The following RPL31 variants were observed in gnomAD, a reference collection of about 807,000 sequenced individuals.
RPL31 encodes the protein large ribosomal subunit protein eL31.
For missense variants in RPL31, 95 were observed against 164.0 expected, an observed-to-expected ratio of 0.58 and a Z score of 2.30; for synonymous variants, 51 against 55.0, an observed-to-expected ratio of 0.93 and a Z score of 0.32.
intron 1 of RPL31, 100 bp from the exon 2 acceptor site, chr2:101,002,602 A>G (rs1053994140): frequency 4.0e-6 from 4 of 997,406 alleles, no homozygotes; most frequent in African/African-American, 1.6e-5. Context: ...GACTCTCAGC[A>G]CCTGGAAGCG....
chr2:101,002,468 G>A (rs907680894), intron 1 of RPL31, 153 bp downstream of exon 1: 4 of 574,938 alleles, frequency 7.0e-6, no homozygotes, highest in South Asian at 2.1e-5. Flanking sequence ...GGCTCCCAGA[G>A]CCTGAGGAAG....
chr2:101,018,949 G>T (rs778075128), intron 4 of RPL31: 1 of 1,599,862 alleles, frequency 6.3e-7, no homozygotes, highest in Non-Finnish European at 8.5e-7. Context: ...CTCTTCGTCT[G>T]TGTGTTACCT....
chr2:101,019,109 G>T, exon 5 of RPL31: 1 of 1,564,882 alleles, frequency 6.4e-7, no homozygotes, highest in Non-Finnish European at 8.7e-7. Context: ...TGCAGCAGAT[G>T]CCTTTACAAC....
downstream of RPL31, chr2:101,007,853 A>T (rs756351350): frequency 6.2e-7 from 1 of 1,612,950 alleles, no homozygotes; most frequent in South Asian, 1.1e-5. Context: ...TCAGATTGTG[A>T]TTGGTGGCTC....
intron 4 of RPL31, among the ~76,000 whole-genome samples, chr2:101,016,689 G>T (rs2105369264): frequency 6.6e-6 from 1 of 152,268 alleles, no homozygotes; most frequent in East Asian, 1.9e-4. Context: ...GTCCAACAAG[G>T]ATAGACTGGA....
At chr2:101,014,522 T>A (rs1270323928) in intron 4 of RPL31, among the ~76,000 whole-genome samples, 1 of 152,234 alleles carries the variant, frequency 6.6e-6, no homozygotes, top group Non-Finnish European at 1.5e-5. Flanking sequence ...TCCAGCTAAA[T>A]CTTTAGAATG....
chr2:101,008,840 G>A (rs779494657), downstream of RPL31, among the ~76,000 whole-genome samples: 3 of 151,856 alleles, frequency 2.0e-5, no homozygotes, highest in Non-Finnish European at 2.9e-5. Context: ...CCACAGCAAC[G>A]TACAGATTTA....
At chr2:101,010,804 C>T (rs1679147588), downstream of RPL31, 6 of 718,264 alleles carry the variant, frequency 8.4e-6, no homozygotes, top group Non-Finnish European at 1.4e-5. Flanking sequence ...ACTGCTTGAA[C>T]CCTGGAGGTG....
intron 4 of RPL31, 137 bp downstream of exon 4, chr2:101,006,208 TA>T: frequency 2.6e-6 from 4 of 1,510,284 alleles, no homozygotes; most frequent in Non-Finnish European, 3.5e-6. Flanking sequence ...GGGAAGATGC[TA>T]AAGAATGCAA....
At chr2:101,019,331 TC>T in exon 5 of RPL31, 1 of 271,274 alleles carries the variant, frequency 3.7e-6, no homozygotes, top group Non-Finnish European at 6.9e-6. Flanking sequence ...TTGAAAACTT[TC>T]ATTTCGTAAC....
chr2:101,012,172 A>G (rs1679266533), downstream of RPL31, among the ~76,000 whole-genome samples: 1 of 152,244 alleles, frequency 6.6e-6, no homozygotes, highest in Non-Finnish European at 1.5e-5. Context: ...TAAAAAAGTT[A>G]AAGTTACCAT....
At chr2:101,016,082 TTAAAC>T (rs1679612196) in intron 4 of RPL31, among the ~76,000 whole-genome samples, 1 of 151,934 alleles carries the variant, frequency 6.6e-6, no homozygotes. Flanking sequence ...TGGGATCTAA[TTAAAC>T]TAAAGAGCTT....
rs1394584955 is a variant in RPL31 at position 101,004,396 on chromosome 2, A to C, written c.233+113A>C. On this transcript the variant is annotated intron_variant, in intron 3 of 4. Coordinates refer to ENST00000264258, the MANE Select transcript of RPL31 (RefSeq NM_000993.5). ...TTTGGTTAATGCATGTGGAAGTATAAAAAAAAAAAATACTGTGACCGTGAC... is the reference window on the plus strand; with the variant it reads ...TTTGGTTAATGCATGTGGAAGTATACAAAAAAAAAATACTGTGACCGTGAC... 3 of 750,394 alleles carry C rather than the reference A, an allele frequency of 4.0e-6. No homozygotes were observed. The African/African-American group carries it at 9.1e-5, about 23-fold the overall frequency. 46.5% of individuals were successfully genotyped at this position (750,394 alleles called of 1,614,324 possible).
chr2:101,007,690 T>G (rs1432033442), downstream of RPL31: 2 of 912,038 alleles, frequency 2.2e-6, no homozygotes, highest in South Asian at 3.3e-5. Context: ...GGCCACAGTT[T>G]GTCAGGTTGT....
At chr2:101,016,192 T>C (rs1679621292) in intron 4 of RPL31, among the ~76,000 whole-genome samples, 1 of 152,090 alleles carries the variant, frequency 6.6e-6, no homozygotes. Flanking sequence ...AGGGCTAATA[T>C]CCAGAATCTA....
At chr2:101,011,348 G>T, downstream of RPL31, 1 of 1,187,852 alleles carries the variant, frequency 8.4e-7, no homozygotes, top group Non-Finnish European at 1.2e-6. Flanking sequence ...TGGACGAAGG[G>T]AAAAGACAAG....
chr2:101,012,619 AAT>A (rs1398787797), intron 4 of RPL31, among the ~76,000 whole-genome samples: 2 of 135,864 alleles, frequency 1.5e-5, no homozygotes, highest in African/African-American at 2.7e-5. Flanking sequence ...CACAACTCTG[AAT>A]ATACAAAAAA....
At chr2:101,016,949 T>TCACAC (rs1679692859) in intron 4 of RPL31, among the ~76,000 whole-genome samples, 2 of 151,804 alleles carry the variant, frequency 1.3e-5, no homozygotes, top group African/African-American at 4.8e-5. Flanking sequence ...GGGGGAGGGA[T>TCACAC]AGCATTAGGA....
At chr2:101,010,977 T>C (rs1319915067), downstream of RPL31, 2 of 1,613,048 alleles carry the variant, frequency 1.2e-6, no homozygotes, top group African/African-American at 2.7e-5. Flanking sequence ...TTTCTTTGGC[T>C]AAATCCTTAA....
Sources: allele counts gnomAD v4.1 joint callset (sites outside exome capture counted in the v4.1 genomes callset), GRCh38; gene constraint gnomAD v4.1.1; transcripts MANE v1.5; gene names NCBI Gene and HGNC (gene_info 2026-07-23, HGNC 2026-07-21).